Variants in KCTD6 observed in about 807,000 individuals in gnomAD.
KCTD6 encodes potassium channel tetramerization domain containing 6.
Under a neutral mutation model 18.7 loss-of-function variants are expected in KCTD6, and 6 were observed. The ratio of observed to expected loss-of-function variants is 0.32; its 90% CI spans 0.18 to 0.63. The LOEUF (loss-of-function observed/expected upper bound fraction) is 0.63, where lower values mean the gene tolerates loss of function less well. Among genes scored for constraint, KCTD6 ranks in the 30% least tolerant of loss-of-function variants. The pLI is 0.79. For missense variants in KCTD6, 165 were observed against 300.2 expected (o/e 0.55, Z 3.33); for synonymous variants, 86 against 108.5 (o/e 0.79, Z 1.29).
Position 58,502,286 on chromosome 3 carries a change from G to A in KCTD6, c.*654G>A, listed in dbSNP as rs1183407445. ...AGAAAACTTACTCTTTATGCCTGGT[G>A]CAGTATAATTCCCAAGTGTACTGTC... On this transcript the variant is annotated 3_prime_UTR_variant, in exon 3 of 3. Transcript: ENST00000404589. 6.6e-6 allele frequency: 1 copy of A among 151,790 alleles called. No homozygotes were observed. The highest frequency in any genetic ancestry group is 1.5e-5 in the Non-Finnish European group (1 of 67,910). 9.4% of individuals were successfully genotyped at this position (151,790 alleles called of 1,614,324 possible).
Position 58,493,218 on chromosome 3 carries a change from G to C in KCTD6, c.-44+1049G>C, listed in dbSNP as rs1049402059. Among the ~76,000 whole-genome samples, 1 of 152,200 alleles carries C rather than the reference G, an allele frequency of 6.6e-6. No individual in the cohort carries two copies. The highest frequency in any genetic ancestry group is 1.5e-5 in the Non-Finnish European group (1 of 68,032). ...TGTTTGTCAGCAGGGTTGGTAGGTT[G>C]AGAGTATTTTCTCTTTGGCCGAAAC... On this transcript the variant is annotated intron_variant, in intron 1 of 2. Transcript: ENST00000404589. This position sits in a 1 kb window ranked among gnomAD's most constrained non-coding sequence, Gnocchi z 4.5.
rs117792865 is a variant in KCTD6 at position 58,499,288 on chromosome 3, G to A, written c.27+506G>A. Among the ~76,000 whole-genome samples, 109 of 152,230 alleles carry A rather than the reference G, an allele frequency of 7.2e-4. 1 individual carries two copies. The East Asian group carries it at 0.019, about 27-fold the overall frequency. On this transcript the variant is annotated intron_variant, in intron 2 of 2. Coordinates refer to ENST00000404589, the MANE Select transcript of KCTD6 (RefSeq NM_001128214.2). Reference sequence around the variant, plus strand: ...AAATACTTTTTATAATCACTGGAGAGGTAACGTGATTTTTTATTTTTTCAA... The same window carrying A: ...AAATACTTTTTATAATCACTGGAGAAGTAACGTGATTTTTTATTTTTTCAA...
Position 58,498,870 on chromosome 3 carries a change from T to C in KCTD6, c.27+88T>C. The C allele has an allele frequency of 8.1e-6, 9 of 1,107,376 alleles. No individual in the cohort carries two copies. In the South Asian group the frequency reaches 1.2e-4, roughly 14 times the overall value. 68.6% of individuals were successfully genotyped at this position (1,107,376 alleles called of 1,614,324 possible). A position where few individuals can be genotyped will look rare whatever the true frequency, so the allele number is the denominator to read the frequency against. ...CTTATGTATTTTTAGGTATATCTTATAAGAAAAGAAAATTGTGAATTTGTG... is the reference window on the plus strand; with the variant it reads ...CTTATGTATTTTTAGGTATATCTTACAAGAAAAGAAAATTGTGAATTTGTG... On this transcript the variant is annotated intron_variant, in intron 2 of 2. Coordinates refer to ENST00000404589, the MANE Select transcript of KCTD6 (RefSeq NM_001128214.2). The surrounding 1 kb of genome is among the most constrained non-coding windows in gnomAD (Gnocchi z 4.6).
At chr3:58,495,514 TTTTTG>T (rs1331455169) in intron 1 of KCTD6, among the ~76,000 whole-genome samples, 4 of 149,448 alleles carry the variant, frequency 2.7e-5, no homozygotes, top group East Asian at 2.0e-4. Flanking sequence ...TCATGCTTTT[TTTTTG>T]TTTGTTTGTT....
rs2063206952 is a variant in KCTD6 at position 58,501,962 on chromosome 3, C to G, written c.*330C>G. On this transcript the variant is annotated 3_prime_UTR_variant, in exon 3 of 3. Transcript: ENST00000404589. This position sits in a 1 kb window ranked among gnomAD's most constrained non-coding sequence, Gnocchi z 9.7. ...ATTTCTGATAAAATGGTCCCTAACT[C>G]AACTAGAAGGCTAAAAATACAAGAA... The G allele has an allele frequency of 1.2e-5, 2 of 173,098 alleles. No individual in the cohort carries two copies. The highest frequency in any genetic ancestry group is 4.0e-4 in the South Asian group (2 of 5,004). 10.7% of individuals were successfully genotyped at this position (173,098 alleles called of 1,614,324 possible).
At chr3:58,499,043 C>T (rs539066219) in intron 2 of KCTD6, among the ~76,000 whole-genome samples, 4 of 152,024 alleles carry the variant, frequency 2.6e-5, no homozygotes, top group Admixed American at 1.3e-4. Flanking sequence ...GATCTTGGCT[C>T]ACTGCAACCT....
rs1007652171 is a variant in KCTD6 at position 58,497,254 on chromosome 3, T to C, written c.-43-1459T>C. 6.6e-6 allele frequency among the ~76,000 whole-genome samples: 1 copy of C among 152,242 alleles called. No homozygotes were observed. The highest frequency in any genetic ancestry group is 1.5e-5 in the Non-Finnish European group (1 of 68,038). ...AGAAATAGATGCTTCAGGCTCTGAT[T>C]TCAGCCCATGCTGTGCTATGCAAAT... On this transcript the variant is annotated intron_variant, in intron 1 of 2. Transcript: ENST00000404589. This position sits in a 1 kb window ranked among gnomAD's most constrained non-coding sequence, Gnocchi z 4.2.
Position 58,501,565 on chromosome 3 carries a change from G to A in KCTD6, c.647G>A (p.Arg216Gln). ...ACCCGGGTGCATCACATGAGTGAGC[G>A]GGCCAATGAAAACACAGTGGAGCAC... ...RNTRVHHMSE[R>Q]ANENTVEHNW... The change falls in exon 3 of 3, where the codon CGG becomes CAG. Residue 216 changes from arginine to glutamine, a missense_variant. Physicochemically the swap from Arg to Gln is conservative, Grantham distance 43. Transcript: ENST00000404589. This position sits in a 1 kb window ranked among gnomAD's most constrained non-coding sequence, Gnocchi z 9.7. 6.9e-7 allele frequency: 1 copy of A among 1,447,332 alleles called. No individual in the cohort carries two copies. The highest frequency in any genetic ancestry group is 9.1e-7 in the Non-Finnish European group (1 of 1,099,942). 89.7% of individuals were successfully genotyped at this position (1,447,332 alleles called of 1,614,324 possible). A position where few individuals can be genotyped will look rare whatever the true frequency, so the allele number is the denominator to read the frequency against.
Position 58,493,214 on chromosome 3 carries a change from G to C in KCTD6, c.-44+1045G>C, listed in dbSNP as rs1198024341. ...AATGTGTTTGTCAGCAGGGTTGGTAGGTTGAGAGTATTTTCTCTTTGGCCG... is the reference window on the plus strand; with the variant it reads ...AATGTGTTTGTCAGCAGGGTTGGTACGTTGAGAGTATTTTCTCTTTGGCCG... On this transcript the variant is annotated intron_variant, in intron 1 of 2. Transcript: ENST00000404589. The surrounding 1 kb of genome is among the most constrained non-coding windows in gnomAD (Gnocchi z 4.5). 2.0e-5 allele frequency among the ~76,000 whole-genome samples: 3 copies of C among 152,214 alleles called. No homozygotes were observed. Among genetic ancestry groups the C allele is most frequent in the African/African-American group, 7.2e-5 (3 of 41,460 alleles).
chr3:58,493,183 A>G lies in KCTD6; in HGVS notation c.-44+1014A>G, dbSNP rs894509069. Among the ~76,000 whole-genome samples the G allele has an allele frequency of 1.3e-5, 2 of 152,228 alleles. No individual in the cohort carries two copies. Among genetic ancestry groups the G allele is most frequent in the African/African-American group, 4.8e-5 (2 of 41,462 alleles). On this transcript the variant is annotated intron_variant, in intron 1 of 2. Transcript: ENST00000404589. The surrounding 1 kb of genome is among the most constrained non-coding windows in gnomAD (Gnocchi z 4.5). The stretch of plus-strand genomic sequence containing the variant: ...AAATGAACGAATATGTAGCTAGGAA[A>G]AGGAAAATGTGTTTGTCAGCAGGGT...
chr3:58,498,507 G>T lies in KCTD6; in HGVS notation c.-43-206G>T. 1 of 481,880 alleles carries T rather than the reference G, an allele frequency of 2.1e-6. No individual in the cohort carries two copies. Among genetic ancestry groups the T allele is most frequent in the South Asian group, 3.3e-5 (1 of 30,742 alleles). The allele number at this position is 481,880 out of a possible 1,614,324, so 29.9% of individuals were successfully genotyped here. On this transcript the variant is annotated intron_variant, in intron 1 of 2. Coordinates refer to ENST00000404589, the MANE Select transcript of KCTD6 (RefSeq NM_001128214.2). The surrounding 1 kb of genome is among the most constrained non-coding windows in gnomAD (Gnocchi z 4.6). ...ATCTTCAGTCTCTTAGTTCCAGATG[G>T]GTTCTCTATGGTAAGAATACAGGAC...
In KCTD6 at chr3:58,501,234, A is replaced by C; in HGVS notation, c.316A>C (p.Asn106His). ...GATTGAGCCCTTGATTCAGTGTCTC[A>C]ATGATCCTAAGCCTTTGTATCCCAT... ...YQIEPLIQCL[N>H]DPKPLYPMDT... The change falls in exon 3 of 3, where the codon AAT (asparagine) becomes CAT (histidine). Residue 106 changes from asparagine (N) to histidine (H), a missense_variant. Around this residue, in one of 2 missense-constraint regions of KCTD6, gnomAD observed 106 missense variants for 230.4 expected, o/e 0.46. Coordinates refer to ENST00000404589, the MANE Select transcript of KCTD6 (RefSeq NM_001128214.2). This position sits in a 1 kb window ranked among gnomAD's most constrained non-coding sequence, Gnocchi z 9.7. The C allele has an allele frequency of 6.2e-7, 1 of 1,614,186 alleles. No individual in the cohort carries two copies. Among genetic ancestry groups the C allele is most frequent in the South Asian group, 1.1e-5 (1 of 91,080 alleles).
In KCTD6 at chr3:58,497,388, G is replaced by T. The variant is rs948488789; in HGVS notation, c.-43-1325G>T. Among the ~76,000 whole-genome samples, 1 of 152,200 alleles carries T rather than the reference G, an allele frequency of 6.6e-6. No homozygotes were observed. The highest frequency in any genetic ancestry group is 1.5e-5 in the Non-Finnish European group (1 of 68,026). ...AGATTCCTCTAAAAGTGGGAAAAGTGAATCTGTTAAAGGACCACGTAAAAA... is the reference window on the plus strand; with the variant it reads ...AGATTCCTCTAAAAGTGGGAAAAGTTAATCTGTTAAAGGACCACGTAAAAA... On this transcript the variant is annotated intron_variant, in intron 1 of 2. Coordinates refer to ENST00000404589, the MANE Select transcript of KCTD6 (RefSeq NM_001128214.2). The surrounding 1 kb of genome is among the most constrained non-coding windows in gnomAD (Gnocchi z 4.2).
chr3:58,501,097 G>A lies in KCTD6; in HGVS notation c.179G>A (p.Arg60Gln). The A allele has an allele frequency of 5.6e-6, 9 of 1,614,150 alleles. No homozygotes were observed. Among genetic ancestry groups the A allele is most frequent in the Non-Finnish European group, 7.6e-6 (9 of 1,180,028 alleles). The change falls in exon 3 of 3, where the codon CGA becomes CAA. Residue 60 changes from arginine (R) to glutamine (Q), a missense_variant. This residue lies in a region of KCTD6 where 106 missense variants were observed against 230.4 expected (regional missense o/e 0.46). Transcript: ENST00000404589. The surrounding 1 kb of genome is among the most constrained non-coding windows in gnomAD (Gnocchi z 9.7). ...RDPQGNYFID[R>Q]DGPLFRYVLN... ...CCTCAAGGCAATTACTTTATTGATC[G>A]AGATGGACCTCTTTTCCGATATGTC...
chr3:58,500,426 C>CAA (rs1472124638), intron 2 of KCTD6: 1 of 151,878 alleles, frequency 6.6e-6, no homozygotes, highest in African/African-American at 2.4e-5. Context: ...GTACCTGGCC[C>CAA]AAATTTTTAT....
intron 1 of KCTD6, among the ~76,000 whole-genome samples, chr3:58,495,248 T>C (rs2063170637): frequency 6.6e-6 from 1 of 152,208 alleles, no homozygotes; most frequent in South Asian, 2.1e-4. Context: ...GCTGCCTGTC[T>C]TGTGGTCATT....
At position 58,496,297 on chromosome 3, in the gene KCTD6, C is replaced by A. The variant is rs2063174867; in HGVS notation, c.-43-2416C>A. Among the ~76,000 whole-genome samples, 1 of 152,136 alleles carries A rather than the reference C, an allele frequency of 6.6e-6. No individual in the cohort carries two copies. Among genetic ancestry groups the A allele is most frequent in the Non-Finnish European group, 1.5e-5 (1 of 68,002 alleles). On this transcript the variant is annotated intron_variant, in intron 1 of 2. Transcript: ENST00000404589. This position sits in a 1 kb window ranked among gnomAD's most constrained non-coding sequence, Gnocchi z 5.1. The stretch of plus-strand genomic sequence containing the variant: ...AATTTCTTGTCTCTTGGATTCTGTT[C>A]TTTCAATTTCTACCCTAGGAGGGGA...
rs546704777 is a variant in KCTD6, at chr3:58,493,413, C to T, written c.-44+1244C>T. ...GAATCTTAGGGTGAACCCTATGAAT[C>T]CTTCAGTGCGCTTGGATTTTGATAT... On this transcript the variant is annotated intron_variant, in intron 1 of 2. Coordinates refer to ENST00000404589, the MANE Select transcript of KCTD6 (RefSeq NM_001128214.2). The surrounding 1 kb of genome is among the most constrained non-coding windows in gnomAD (Gnocchi z 4.5). Among the ~76,000 whole-genome samples, 1 of 150,978 alleles carries T rather than the reference C, an allele frequency of 6.6e-6. No homozygotes were observed. Among genetic ancestry groups the T allele is most frequent in the South Asian group, 2.1e-4 (1 of 4,806 alleles).
Position 58,501,434 on chromosome 3 carries a change from C to A in KCTD6, c.516C>A (p.Asp172Glu). The change falls in exon 3 of 3, where the codon GAC (aspartate) becomes GAA (glutamate). Residue 172 changes from aspartate (D) to glutamate (E), a missense_variant. Transcript: ENST00000404589. This position sits in a 1 kb window ranked among gnomAD's most constrained non-coding sequence, Gnocchi z 9.7. ...KWNKHMMDTR[D>E]CQVSFTFGPC... is the part of the protein sequence containing the mutation. ...ATAAGCACATGATGGACACCAGAGA[C>A]TGCCAGGTTTCCTTTACTTTTGGAC... 1 of 1,546,370 alleles carries A rather than the reference C, an allele frequency of 6.5e-7. No individual in the cohort carries two copies. Among genetic ancestry groups the A allele is most frequent in the Non-Finnish European group, 8.7e-7 (1 of 1,152,054 alleles).
Sources: allele counts gnomAD v4.1 joint callset (sites outside exome capture counted in the v4.1 genomes callset), GRCh38; gene constraint gnomAD v4.1.1; regional missense constraint gnomAD v4.1.1; non-coding constraint Gnocchi (gnomAD v3.1); transcripts MANE v1.5; gene names NCBI Gene and HGNC (gene_info 2026-07-23, HGNC 2026-07-21).